RIMS1: variants seen among roughly 807,000 people sequenced by gnomAD.
RIMS1 encodes the protein regulating synaptic membrane exocytosis protein 1.
Under a neutral mutation model 214.1 loss-of-function variants are expected in RIMS1, and 83 were observed. That is an observed-to-expected ratio of 0.39 (90% CI 0.32 to 0.47). The LOEUF (loss-of-function observed/expected upper bound fraction) is 0.47, where lower values mean the gene tolerates loss of function less well. Among genes scored for constraint, RIMS1 ranks in the 20% least tolerant of loss-of-function variants. The pLI is 0.99. For synonymous variants in RIMS1, 793 were observed against 786.8 expected, an observed-to-expected ratio of 1.01 and a Z score of -0.13; for missense variants, 2,050 against 2,161.8, an observed-to-expected ratio of 0.95 and a Z score of 1.03.
chr6:71,985,442 A>C (rs1470201281), intron 2 of RIMS1, among the ~76,000 whole-genome samples: 2 of 152,134 alleles, frequency 1.3e-5, no homozygotes, highest in Non-Finnish European at 2.9e-5. Flanking sequence ...GTAAATGCTC[A>C]ACTCACCAAC....
At chr6:72,232,129 A>C (rs887649792) in intron 6 of RIMS1, among the ~76,000 whole-genome samples, 21 of 151,564 alleles carry the variant, frequency 1.4e-4, no homozygotes, top group African/African-American at 4.8e-4. Context: ...TTTTGGGGGA[A>C]ATATAATTTT....
At chr6:72,267,850 T>C (rs556917568) in intron 22 of RIMS1, among the ~76,000 whole-genome samples, 1 of 152,268 alleles carries the variant, frequency 6.6e-6, no homozygotes, top group Non-Finnish European at 1.5e-5. Context: ...TACAGATTGT[T>C]GTAAAGTCCA....
intron 2 of RIMS1, among the ~76,000 whole-genome samples, chr6:71,982,837 C>T (rs1411607019): frequency 6.6e-6 from 1 of 152,084 alleles, no homozygotes; most frequent in Non-Finnish European, 1.5e-5. Context: ...AGCACCTGCC[C>T]TCTCTGAAGG....
At chr6:71,995,480 G>T (rs1803137778) in intron 2 of RIMS1, among the ~76,000 whole-genome samples, 13 of 151,036 alleles carry the variant, frequency 8.6e-5, no homozygotes, top group Admixed American at 8.6e-4. Context: ...GTGTGTGTGT[G>T]TGTATGTTTG....
intron 1 of RIMS1, among the ~76,000 whole-genome samples, chr6:71,927,698 C>T (rs1781939995): frequency 6.6e-6 from 1 of 152,018 alleles, no homozygotes; most frequent in Non-Finnish European, 1.5e-5. Context: ...CACATACCAA[C>T]TAATGGTTAG....
At chr6:72,350,575 A>T (rs1187884501) in intron 29 of RIMS1, among the ~76,000 whole-genome samples, 3 of 146,158 alleles carry the variant, frequency 2.1e-5, no homozygotes, top group Non-Finnish European at 4.7e-5. Context: ...AAGTAATGCC[A>T]GTTGTCTATT....
At chr6:72,003,698 G>C (rs989202172) in intron 2 of RIMS1, among the ~76,000 whole-genome samples, 4 of 151,848 alleles carry the variant, frequency 2.6e-5, no homozygotes, top group Non-Finnish European at 4.4e-5. Flanking sequence ...CTATATGACT[G>C]TGTCCAAAAT....
At chr6:72,321,039 G>A (rs1327259133) in intron 28 of RIMS1, among the ~76,000 whole-genome samples, 1 of 151,952 alleles carries the variant, frequency 6.6e-6, no homozygotes, top group Non-Finnish European at 1.5e-5. Flanking sequence ...AGTGCGGATT[G>A]ATTGATATTT....
chr6:71,959,911 G>A (rs1036089805), intron 1 of RIMS1, among the ~76,000 whole-genome samples: 2 of 152,028 alleles, frequency 1.3e-5, no homozygotes, highest in Non-Finnish European at 2.9e-5. Context: ...AACTCACAAA[G>A]CACCAGTCAT....
intron 1 of RIMS1, among the ~76,000 whole-genome samples, chr6:71,918,852 T>G (rs989367964): frequency 2.6e-5 from 4 of 151,842 alleles, no homozygotes; most frequent in African/African-American, 9.7e-5. Flanking sequence ...GATGTTAGAG[T>G]GAAAGGCGTT....
At chr6:72,280,114 T>C (rs1413893899) in intron 23 of RIMS1, among the ~76,000 whole-genome samples, 2 of 151,902 alleles carry the variant, frequency 1.3e-5, no homozygotes, top group Non-Finnish European at 2.9e-5. Context: ...TTATTGTAAT[T>C]TTTGGGCTTT....
intron 6 of RIMS1, among the ~76,000 whole-genome samples, chr6:72,218,107 CTT>C (rs145835882): frequency 1.4e-5 from 2 of 145,008 alleles, no homozygotes; most frequent in East Asian, 4.0e-4. Context: ...GGTTTTTTTG[CTT>C]TTTTTTTTTT....
intron 6 of RIMS1, among the ~76,000 whole-genome samples, chr6:72,214,863 A>G (rs1337639867): frequency 9.2e-5 from 14 of 152,080 alleles, no homozygotes; most frequent in Admixed American, 9.2e-4. Context: ...CTGGGATTAC[A>G]GGCACCCACC....
intron 29 of RIMS1, chr6:72,365,929 AG>A (rs1318804785): frequency 1.3e-5 from 2 of 152,158 alleles, no homozygotes; most frequent in African/African-American, 4.8e-5. Flanking sequence ...TGTGTTTTGG[AG>A]GGTTTTGTTT....
chr6:72,125,779 T>C (rs28835042), intron 4 of RIMS1, among the ~76,000 whole-genome samples: 11 of 152,220 alleles, frequency 7.2e-5, no homozygotes, highest in African/African-American at 2.7e-4. Flanking sequence ...TCTGTGGACG[T>C]GGGACCCACC....
At chr6:72,006,769 G>T (rs1338880666) in intron 2 of RIMS1, among the ~76,000 whole-genome samples, 1 of 152,228 alleles carries the variant, frequency 6.6e-6, no homozygotes, top group Admixed American at 6.5e-5. Flanking sequence ...CAGCAGTGAG[G>T]CTGGGGGAGG....
In RIMS1 at chr6:72,023,466, A is replaced by G. The variant is rs753533379; in HGVS notation, c.245+54403A>G. Among the ~76,000 whole-genome samples the G allele has an allele frequency of 3.3e-5, 5 of 152,066 alleles. No individual in the cohort carries two copies. In the East Asian group the frequency reaches 9.6e-4, roughly 29 times the overall value. ...TTAAAGTATCTAAAATTCACTCTCA[A>G]GAAATCTAGATTTACATATATTTCC... On this transcript the variant is annotated intron_variant, in intron 2 of 33. Transcript: ENST00000521978.
rs150236669 is a variant in RIMS1 at position 72,221,895 on chromosome 6, G to A, written c.1679-11878G>A. Reference sequence around the variant, plus strand: ...AGCTAGCATTTGGGTTGGTTTTTACGGAAATTAGGTGAAATAGAATGATTT... The same window carrying A: ...AGCTAGCATTTGGGTTGGTTTTTACAGAAATTAGGTGAAATAGAATGATTT... On this transcript the variant is annotated intron_variant, in intron 6 of 33. Transcript: ENST00000521978. Among the ~76,000 whole-genome samples, 132 of 151,900 alleles carry A rather than the reference G, an allele frequency of 8.7e-4. 1 individual carries two copies. The South Asian group carries it at 0.013, about 15-fold the overall frequency.
chr6:72,090,989 A>G (rs1386002267), intron 2 of RIMS1, among the ~76,000 whole-genome samples: 2 of 152,122 alleles, frequency 1.3e-5, no homozygotes, highest in African/African-American at 4.8e-5. Flanking sequence ...CCCATGTGCT[A>G]AGGTTGACGA....
Sources: allele counts gnomAD v4.1 joint callset (sites outside exome capture counted in the v4.1 genomes callset), GRCh38; gene constraint gnomAD v4.1.1; transcripts MANE v1.5; gene names NCBI Gene and HGNC (gene_info 2026-07-23, HGNC 2026-07-21).